Variants in OLFM3 observed in about 807,000 individuals in gnomAD.
OLFM3 encodes noelin-3.
In OLFM3, 20 loss-of-function variants were observed where a neutral mutation model predicts 48.6. The observed-to-expected ratio is 0.41, with a 90% CI of 0.29 to 0.60. The LOEUF (loss-of-function observed/expected upper bound fraction) is 0.60, where lower values mean the gene tolerates loss of function less well. OLFM3 is among the 20% of genes least tolerant of loss of function. The pLI is 0.28. For synonymous variants in OLFM3, 222 were observed against 198.1 expected, an observed-to-expected ratio of 1.12 and a Z score of -1.01; for missense variants, 437 against 544.3, an observed-to-expected ratio of 0.80 and a Z score of 1.96.
intron 1 of OLFM3, among the ~76,000 whole-genome samples, chr1:101,919,228 C>T (rs1247785953): frequency 6.6e-6 from 1 of 152,032 alleles, no homozygotes; most frequent in African/African-American, 2.4e-5. Context: ...TCTTTAAATA[C>T]TTTATAAAAT....
intron 1 of OLFM3, among the ~76,000 whole-genome samples, chr1:101,948,818 C>A (rs181896607): frequency 8.7e-5 from 13 of 149,104 alleles, no homozygotes; most frequent in Admixed American, 6.0e-4. Context: ...TTTCTCTTAG[C>A]AATGCTGTGA....
intron 1 of OLFM3, among the ~76,000 whole-genome samples, chr1:101,849,790 A>T (rs910169343): frequency 3.3e-5 from 5 of 152,218 alleles, no homozygotes. Flanking sequence ...AGTGGAAATT[A>T]CCTGGGAGAA....
At chr1:101,900,234 A>C (rs991174470) in intron 1 of OLFM3, among the ~76,000 whole-genome samples, 1 of 152,180 alleles carries the variant, frequency 6.6e-6, no homozygotes, top group Non-Finnish European at 1.5e-5. Flanking sequence ...AGACAAGTCC[A>C]TGAACACAGA....
chr1:101,856,771 A>C lies in OLFM3; in HGVS notation c.70-19746T>G, dbSNP rs186947346. ...GGGGCAGGAACTGTACTATTCTGAA[A>C]ATTTAAGATTAATATGATACAGCCT... is the stretch of plus-strand genomic sequence containing the variant. On this transcript the variant is annotated intron_variant, in intron 1 of 5. Transcript: ENST00000370103. Among the ~76,000 whole-genome samples the C allele has an allele frequency of 1.2e-3, 179 of 152,076 alleles. 2 individuals are homozygous for C. Among genetic ancestry groups the C allele is most frequent in the African/African-American group, 4.0e-3 (167 of 41,438 alleles).
intron 1 of OLFM3, among the ~76,000 whole-genome samples, chr1:101,876,270 A>G (rs1657296868): frequency 6.6e-6 from 1 of 151,954 alleles, no homozygotes; most frequent in South Asian, 2.1e-4. Flanking sequence ...TGCAAACCAT[A>G]CTAAAGGGAA....
chr1:101,824,940 T>A, intron 4 of OLFM3, 86 bp downstream of exon 4: 1 of 1,150,504 alleles, frequency 8.7e-7, no homozygotes, highest in South Asian at 1.4e-5. Context: ...TTAGATATTT[T>A]ATGACTCTTT....
intron 1 of OLFM3, among the ~76,000 whole-genome samples, chr1:101,850,315 A>G (rs1034479229): frequency 6.6e-6 from 1 of 152,116 alleles, no homozygotes; most frequent in African/African-American, 2.4e-5. Flanking sequence ...ATTGATTAAT[A>G]TATTTATTCA....
chr1:101,937,018 T>C (rs1490243976), intron 1 of OLFM3, among the ~76,000 whole-genome samples: 1 of 152,028 alleles, frequency 6.6e-6, no homozygotes, highest in Non-Finnish European at 1.5e-5. Flanking sequence ...ATTCTGGAAG[T>C]TAACCTGGGA....
At chr1:101,851,716 C>T (rs1656226149) in intron 1 of OLFM3, among the ~76,000 whole-genome samples, 4 of 152,092 alleles carry the variant, frequency 2.6e-5, no homozygotes, top group Admixed American at 2.6e-4. Flanking sequence ...TCCATAAGGT[C>T]CCATTACCAT....
intron 1 of OLFM3, among the ~76,000 whole-genome samples, chr1:101,921,369 G>A (rs764303637): frequency 5.3e-5 from 8 of 152,106 alleles, no homozygotes; most frequent in Non-Finnish European, 8.8e-5. Context: ...AAGTTCAGCC[G>A]CAAAAGAAAC....
At chr1:101,812,759 C>G in intron 4 of OLFM3, 1 of 987,450 alleles carries the variant, frequency 1.0e-6, no homozygotes, top group Non-Finnish European at 1.2e-6. Flanking sequence ...GCTTCTGGCT[C>G]TTAAACTAAA....
At chr1:101,834,187 C>G (rs942228236) in intron 2 of OLFM3, among the ~76,000 whole-genome samples, 1 of 152,120 alleles carries the variant, frequency 6.6e-6, no homozygotes. Context: ...GACACTGGTA[C>G]AGCATTGAGA....
chr1:101,927,957 G>A (rs572592271), intron 1 of OLFM3, among the ~76,000 whole-genome samples: 56 of 151,900 alleles, frequency 3.7e-4, no homozygotes, highest in Non-Finnish European at 6.6e-4. Flanking sequence ...AACAAAATTA[G>A]TAGATGAACA....
chr1:101,884,775 C>T (rs1368104176), intron 1 of OLFM3, among the ~76,000 whole-genome samples: 1 of 151,946 alleles, frequency 6.6e-6, no homozygotes, highest in Non-Finnish European at 1.5e-5. Context: ...TCAGGAAGTA[C>T]ATTGTTAGTA....
chr1:101,986,623 C>T (rs957396240), intron 1 of OLFM3, among the ~76,000 whole-genome samples: 1 of 152,154 alleles, frequency 6.6e-6, no homozygotes, highest in Admixed American at 6.5e-5. Context: ...TTTCCAATAT[C>T]ATTATGTACA....
intron 1 of OLFM3, among the ~76,000 whole-genome samples, chr1:101,871,507 A>T (rs1413021246): frequency 3.3e-5 from 5 of 152,132 alleles, no homozygotes; most frequent in Non-Finnish European, 7.4e-5. Flanking sequence ...AAGATGCATC[A>T]TCAGCAGTAA....
intron 1 of OLFM3, among the ~76,000 whole-genome samples, chr1:101,858,589 C>T (rs188124590): frequency 3.2e-4 from 49 of 152,028 alleles, no homozygotes; most frequent in African/African-American, 1.1e-3. Flanking sequence ...GAGGAGGGGC[C>T]TGGTGGGAGG....
intron 1 of OLFM3, among the ~76,000 whole-genome samples, chr1:101,954,725 A>T (rs1044806666): frequency 2.0e-5 from 3 of 152,098 alleles, no homozygotes. Context: ...AATGAAGTCC[A>T]TCCTCTTTTA....
chr1:101,928,620 T>G (rs1264231508), intron 1 of OLFM3, among the ~76,000 whole-genome samples: 1 of 152,150 alleles, frequency 6.6e-6, no homozygotes, highest in Non-Finnish European at 1.5e-5. Context: ...ATAAAGTTTC[T>G]TCCTTCACAG....
Sources: allele counts gnomAD v4.1 joint callset (sites outside exome capture counted in the v4.1 genomes callset), GRCh38; gene constraint gnomAD v4.1.1; transcripts MANE v1.5; gene names NCBI Gene and HGNC (gene_info 2026-07-23, HGNC 2026-07-21).